CDH4: variants seen among roughly 807,000 people sequenced by gnomAD.
CDH4 encodes the protein cadherin-4.
Under a neutral mutation model 86.0 loss-of-function variants are expected in CDH4, and 33 were observed. The observed-to-expected ratio is 0.38, with a 90% confidence interval of 0.29 to 0.51. The LOEUF (loss-of-function observed/expected upper bound fraction) is 0.51. Among genes scored for constraint, CDH4 ranks in the 20% least tolerant of loss-of-function variants. The pLI, the probability that CDH4 is intolerant of heterozygous loss-of-function variation, is 0.86. For synonymous variants in CDH4, 555 were observed against 549.4 expected, an observed-to-expected ratio of 1.01 and a Z score of -0.14; for missense variants, 1,114 against 1,307.4, an observed-to-expected ratio of 0.85 and a Z score of 2.28.
Position 61,512,758 on chromosome 20 carries a change from C to T in CDH4, c.170-230805C>T, listed in dbSNP as rs775864439. Among the ~76,000 whole-genome samples, 5 of 152,214 alleles carry T rather than the reference C, an allele frequency of 3.3e-5. No homozygotes were observed. In the East Asian group the frequency reaches 5.8e-4, roughly 18 times the overall value. On this transcript the variant is annotated intron_variant, in intron 2 of 15. Transcript: ENST00000614565. ...TGGGGGCCGCCGCTGATGACAAGCA[C>T]GCACATCCCAGGAGCACGTCCATTC...
chr20:61,928,123 G>A (rs1351031980), intron 11 of CDH4, 67 bp from the exon 12 acceptor site: 5 of 1,205,310 alleles, frequency 4.1e-6, no homozygotes, highest in South Asian at 1.2e-5. Flanking sequence ...CGTGTCCTGT[G>A]TGGAGCTGTG....
intron 7 of CDH4, among the ~76,000 whole-genome samples, chr20:61,881,278 G>A (rs989606551): frequency 3.3e-5 from 5 of 152,248 alleles, no homozygotes; most frequent in South Asian, 2.1e-4. Flanking sequence ...AGGAAGCTGC[G>A]CTGCGAAGGG....
At chr20:61,443,054 CCT>C (rs1313717859) in intron 2 of CDH4, among the ~76,000 whole-genome samples, 2 of 152,064 alleles carry the variant, frequency 1.3e-5, no homozygotes, top group African/African-American at 4.8e-5. Flanking sequence ...CAAAGCAACC[CCT>C]GATTGAGAAC....
chr20:61,714,247 T>C lies in CDH4; in HGVS notation c.170-29316T>C, dbSNP rs964898127. On this transcript the variant is annotated intron_variant, in intron 2 of 15. Coordinates refer to ENST00000614565, the MANE Select transcript of CDH4 (RefSeq NM_001794.5). ...ATTTTTAGTAGAGACGGGGTTTCACTGTGTTAGCCAGGATGGTCTCCATCT... is the reference window on the plus strand; with the variant it reads ...ATTTTTAGTAGAGACGGGGTTTCACCGTGTTAGCCAGGATGGTCTCCATCT... 1.8e-4 allele frequency among the ~76,000 whole-genome samples: 27 copies of C among 151,800 alleles called. No individual in the cohort carries two copies. In the South Asian group the frequency reaches 5.5e-3, roughly 31 times the overall value.
chr20:61,718,898 T>A (rs201839903), intron 2 of CDH4: 24 of 471,010 alleles, frequency 5.1e-5, no homozygotes, highest in Non-Finnish European at 8.4e-5. Context: ...CTCTGTCTGC[T>A]GCTTGTTGGA....
intron 4 of CDH4, among the ~76,000 whole-genome samples, chr20:61,843,702 AAAAAAT>A (rs1474236362): frequency 1.5e-5 from 2 of 134,292 alleles, no homozygotes; most frequent in African/African-American, 5.1e-5. Context: ...AAAAAAAAAA[AAAAAAT>A]TCCTGTTCCA....
intron 2 of CDH4, among the ~76,000 whole-genome samples, chr20:61,433,246 T>C (rs62200863): frequency 0.19 from 28,365 of 152,112 alleles, 2,865 homozygotes; most frequent in African/African-American, 0.23. Context: ...GCACCATTTG[T>C]TCAAAAGAGT....
In CDH4 at chr20:61,269,562, G is replaced by T. The variant is rs2084173301; in HGVS notation, c.169+14625G>T. On this transcript the variant is annotated intron_variant, in intron 2 of 15. Coordinates refer to ENST00000614565, the MANE Select transcript of CDH4 (RefSeq NM_001794.5). This position sits in a 1 kb window ranked among gnomAD's most constrained non-coding sequence, Gnocchi z 5.3. ...AGGCACCAGGCTCTGGAAACACCAA[G>T]GCTTGCTGGCTTGCTCTTATTTATT... 6.6e-6 allele frequency among the ~76,000 whole-genome samples: 1 copy of T among 152,078 alleles called. No homozygotes were observed. Among genetic ancestry groups the T allele is most frequent in the African/African-American group, 2.4e-5 (1 of 41,400 alleles).
intron 2 of CDH4, chr20:61,499,306 T>C (rs1021742078): frequency 2.2e-5 from 10 of 447,872 alleles, no homozygotes; most frequent in African/African-American, 2.0e-4. Context: ...CTGCTCACTC[T>C]GGCCAGGTAC....
intron 2 of CDH4, among the ~76,000 whole-genome samples, chr20:61,306,353 T>G (rs565515357): frequency 6.6e-6 from 1 of 152,294 alleles, no homozygotes; most frequent in South Asian, 2.1e-4. Context: ...TTTCTTTTTT[T>G]TTTAAACGGA....
intron 2 of CDH4, among the ~76,000 whole-genome samples, chr20:61,576,675 C>CAGCTCTG (rs1172543807): frequency 6.6e-6 from 1 of 152,202 alleles, no homozygotes; most frequent in Non-Finnish European, 1.5e-5. Flanking sequence ...TGAGTTATCT[C>CAGCTCTG]AGCTCTGAGC....
chr20:61,347,655 A>G (rs1842121186), intron 2 of CDH4, among the ~76,000 whole-genome samples: 1 of 152,212 alleles, frequency 6.6e-6, no homozygotes, highest in African/African-American at 2.4e-5. Flanking sequence ...CTGGAAGTCC[A>G]TTGTTCAGCT....
At chr20:61,285,660 T>G (rs1367625295) in intron 2 of CDH4, among the ~76,000 whole-genome samples, 3 of 152,280 alleles carry the variant, frequency 2.0e-5, no homozygotes, top group Non-Finnish European at 4.4e-5. Flanking sequence ...CAGTTTTCAA[T>G]TTAATGATCT....
chr20:61,543,156 G>A (rs947768755), intron 2 of CDH4, among the ~76,000 whole-genome samples: 4 of 152,298 alleles, frequency 2.6e-5, no homozygotes, highest in East Asian at 1.9e-4. Context: ...CCACATTGAC[G>A]CTGGGTCTGC....
intron 2 of CDH4, among the ~76,000 whole-genome samples, chr20:61,558,938 T>C (rs1444213651): frequency 6.6e-6 from 1 of 152,226 alleles, no homozygotes; most frequent in Non-Finnish European, 1.5e-5. Context: ...CCCTCACTGA[T>C]GAATCACCAG....
chr20:61,799,026 A>G (rs1047753150), intron 4 of CDH4, among the ~76,000 whole-genome samples: 1 of 152,342 alleles, frequency 6.6e-6, no homozygotes, highest in East Asian at 1.9e-4. Context: ...TGCAAACTTA[A>G]AAAGCTTTTA....
intron 2 of CDH4, among the ~76,000 whole-genome samples, chr20:61,440,697 C>T (rs1471009241): frequency 6.6e-6 from 1 of 152,150 alleles, no homozygotes; most frequent in Non-Finnish European, 1.5e-5. Flanking sequence ...TCCGGGGAAC[C>T]AGGGCTGCAA....
At chr20:61,924,054 C>T (rs6089552) in intron 10 of CDH4, among the ~76,000 whole-genome samples, 71,451 of 152,002 alleles carry the variant, frequency 0.47, 18,034 homozygotes, top group East Asian at 0.84. Context: ...ACAATGAGGG[C>T]GTCTGCCCAC....
At chr20:61,645,953 A>C (rs201131631) in intron 2 of CDH4, among the ~76,000 whole-genome samples, 6 of 152,188 alleles carry the variant, frequency 3.9e-5, no homozygotes, top group Admixed American at 3.9e-4. Context: ...AAGAGGGCAG[A>C]CAGCCAGTCT....
Sources: gnomAD v4.1 joint callset for allele counts (sites outside exome capture counted in the v4.1 genomes callset) on GRCh38, gnomAD v4.1.1 for gene constraint, Gnocchi (gnomAD v3.1) non-coding constraint, MANE v1.5 for transcripts, NCBI Gene and HGNC (gene_info 2026-07-23, HGNC 2026-07-21) for gene names.